The following CDH18 variants were observed in gnomAD, a reference collection of about 807,000 sequenced individuals.
CDH18 encodes the protein cadherin-18.
In CDH18, 31 loss-of-function variants were observed where a neutral mutation model predicts 67.9. The ratio of observed to expected loss-of-function variants is 0.46; its 90% CI spans 0.34 to 0.62. The LOEUF (loss-of-function observed/expected upper bound fraction) is 0.62. CDH18 is among the 20% of genes least tolerant of loss of function. The pLI is 0.01. For missense variants in CDH18, 890 were observed against 975.5 expected (o/e 0.91, Z 1.17); for synonymous variants, 362 against 347.2 (o/e 1.04, Z -0.48).
intron 10 of CDH18, 144 bp downstream of exon 10, chr5:19,520,513 A>G: frequency 6.3e-6 from 4 of 639,012 alleles, no homozygotes; most frequent in Non-Finnish European, 9.5e-6. Flanking sequence ...ATTATTTGGT[A>G]CTTAAAATAA....
chr5:20,347,364 C>A (rs75260840), intron 1 of CDH18, among the ~76,000 whole-genome samples: 3,273 of 152,260 alleles, frequency 0.021, 85 homozygotes, highest in African/African-American at 0.056. Context: ...ACAGCTTGAG[C>A]AGCTAGTGTG....
At chr5:19,726,311 T>C (rs1766835751) in intron 4 of CDH18, among the ~76,000 whole-genome samples, 1 of 152,196 alleles carries the variant, frequency 6.6e-6, no homozygotes, top group Admixed American at 6.5e-5. Context: ...TCTGCCCTGA[T>C]CCAAAAGAAT....
At chr5:19,593,127 T>C (rs893146727) in intron 6 of CDH18, among the ~76,000 whole-genome samples, 3 of 152,170 alleles carry the variant, frequency 2.0e-5, no homozygotes, top group Admixed American at 1.3e-4. Context: ...GCAATAAACA[T>C]AGGAATGCTA....
chr5:19,667,104 TTTG>T (rs1236325179), intron 5 of CDH18, among the ~76,000 whole-genome samples: 1 of 151,942 alleles, frequency 6.6e-6, no homozygotes, highest in Non-Finnish European at 1.5e-5. Flanking sequence ...AACATATGTG[TTTG>T]TTATTAAATA....
chr5:19,934,886 C>T (rs1235494862), intron 2 of CDH18, among the ~76,000 whole-genome samples: 2 of 151,350 alleles, frequency 1.3e-5, no homozygotes, highest in Admixed American at 6.6e-5. Flanking sequence ...GTCCTGATTG[C>T]TTTGTTAAAA....
At chr5:20,152,879 T>C (rs1164206959) in intron 2 of CDH18, among the ~76,000 whole-genome samples, 1 of 152,012 alleles carries the variant, frequency 6.6e-6, no homozygotes, top group Non-Finnish European at 1.5e-5. Context: ...CATTATCCAT[T>C]GCTTAGTTCT....
intron 2 of CDH18, among the ~76,000 whole-genome samples, chr5:19,930,581 G>C (rs1192085057): frequency 6.6e-6 from 1 of 151,924 alleles, no homozygotes; most frequent in African/African-American, 2.4e-5. Context: ...GGTTACCATG[G>C]GAGAGGCTCC....
At chr5:20,333,798 C>T (rs1739425811) in intron 1 of CDH18, among the ~76,000 whole-genome samples, 2 of 152,100 alleles carry the variant, frequency 1.3e-5, no homozygotes, top group African/African-American at 4.8e-5. Flanking sequence ...CTTTTCTAGC[C>T]CAGCAGCATC....
chr5:19,877,517 C>T (rs1787161372), intron 2 of CDH18, among the ~76,000 whole-genome samples: 1 of 152,098 alleles, frequency 6.6e-6, no homozygotes. Context: ...AGCATGTGCA[C>T]ATGAAAGAAT....
intron 2 of CDH18, among the ~76,000 whole-genome samples, chr5:19,903,566 T>TATATATATATATATATATATATATATATA (rs61210220): frequency 5.7e-5 from 8 of 139,630 alleles, no homozygotes; most frequent in Non-Finnish European, 1.1e-4. Flanking sequence ...TATATATATA[T>TATATATATATATATATATATATATATATA]TTGTTGAGCC....
intron 1 of CDH18, among the ~76,000 whole-genome samples, chr5:20,336,494 G>A (rs994522672): frequency 1.4e-4 from 22 of 152,056 alleles, no homozygotes; most frequent in South Asian, 6.2e-4. Flanking sequence ...AGGCCAAGGC[G>A]GGCGGATCAC....
chr5:19,614,846 A>C (rs1749553432), intron 5 of CDH18, among the ~76,000 whole-genome samples: 1 of 152,148 alleles, frequency 6.6e-6, no homozygotes, highest in African/African-American at 2.4e-5. Flanking sequence ...TCTCGGGATT[A>C]ATTTAAAATC....
At chr5:20,413,636 T>A (rs1423069175) in intron 1 of CDH18, among the ~76,000 whole-genome samples, 1 of 152,246 alleles carries the variant, frequency 6.6e-6, no homozygotes, top group African/African-American at 2.4e-5. Flanking sequence ...GTTGATATCC[T>A]TTGCCCACTT....
At chr5:20,115,052 T>A (rs541255410) in intron 2 of CDH18, among the ~76,000 whole-genome samples, 2 of 152,186 alleles carry the variant, frequency 1.3e-5, no homozygotes, top group African/African-American at 4.8e-5. Flanking sequence ...ATGCAGTAGC[T>A]TAAGCAACAA....
chr5:20,365,652 A>C (rs1459413952), intron 1 of CDH18, among the ~76,000 whole-genome samples: 1 of 152,192 alleles, frequency 6.6e-6, no homozygotes, highest in East Asian at 1.9e-4. Context: ...TAATTAAGTG[A>C]AAATAATTCC....
intron 2 of CDH18, among the ~76,000 whole-genome samples, chr5:19,958,174 T>C (rs1439748133): frequency 6.6e-6 from 1 of 151,748 alleles, no homozygotes; most frequent in Non-Finnish European, 1.5e-5. Flanking sequence ...CGAAGCCTTA[T>C]GTTGATAATG....
chr5:20,421,977 C>T (rs1013994488), intron 1 of CDH18, among the ~76,000 whole-genome samples: 32 of 150,630 alleles, frequency 2.1e-4, no homozygotes, highest in Admixed American at 3.9e-4. Context: ...TTTCTATAAC[C>T]AAATATTATC....
chr5:19,859,016 G>C (rs959713663), intron 2 of CDH18, among the ~76,000 whole-genome samples: 1 of 152,066 alleles, frequency 6.6e-6, no homozygotes, highest in African/African-American at 2.4e-5. Context: ...AAAGTGGCTT[G>C]TATTTAATGT....
At chr5:20,420,972 C>G (rs956366626) in intron 1 of CDH18, among the ~76,000 whole-genome samples, 1 of 150,888 alleles carries the variant, frequency 6.6e-6, no homozygotes, top group African/African-American at 2.5e-5. Flanking sequence ...CTAAAAATTC[C>G]TGTTTGTTTT....
Sources: gnomAD v4.1 joint callset for allele counts (sites outside exome capture counted in the v4.1 genomes callset) on GRCh38, gnomAD v4.1.1 for gene constraint, MANE v1.5 for transcripts, NCBI Gene and HGNC (gene_info 2026-07-23, HGNC 2026-07-21) for gene names.